Variants in XKR6 observed in about 807,000 individuals in gnomAD.
XKR6 encodes the protein XK-related protein 6.
Under a neutral mutation model 56.7 loss-of-function variants are expected in XKR6, and 22 were observed. The ratio of observed to expected loss-of-function variants is 0.39; its 90% CI spans 0.28 to 0.55. XKR6 has a LOEUF of 0.55. Among genes scored for constraint, XKR6 ranks in the 20% least tolerant of loss-of-function variants. XKR6 has a pLI of 0.66. For synonymous variants in XKR6, 524 were observed against 387.8 expected (o/e 1.35, Z -4.13); for missense variants, 852 against 889.0 (o/e 0.96, Z 0.53).
chr8:10,951,284 A>AGTGTGTGTGTGTGTGT (rs1430390819), intron 1 of XKR6, among the ~76,000 whole-genome samples: 1 of 91,696 alleles, frequency 1.1e-5, no homozygotes, highest in Non-Finnish European at 2.6e-5. Context: ...GGGATAGAAA[A>AGTGTGTGTGTGTGTGT]GTGTGTGTGT....
intron 1 of XKR6, among the ~76,000 whole-genome samples, chr8:11,083,853 T>C (rs1180936874): frequency 6.6e-6 from 1 of 152,170 alleles, no homozygotes; most frequent in Non-Finnish European, 1.5e-5. Flanking sequence ...TATGATTACA[T>C]GTTTTAAATT....
chr8:10,965,884 G>A (rs2129132198), intron 1 of XKR6, among the ~76,000 whole-genome samples: 1 of 152,310 alleles, frequency 6.6e-6, no homozygotes, highest in South Asian at 2.1e-4. Context: ...CACCCAGCAG[G>A]TGTGGGCCAC....
At chr8:11,070,539 G>T (rs1286730645) in intron 1 of XKR6, among the ~76,000 whole-genome samples, 1 of 152,166 alleles carries the variant, frequency 6.6e-6, no homozygotes, top group Admixed American at 6.5e-5. Context: ...GAGTGAGCAG[G>T]CTCTCCCCAA....
At chr8:10,969,663 G>A (rs1411693344) in intron 1 of XKR6, among the ~76,000 whole-genome samples, 2 of 152,204 alleles carry the variant, frequency 1.3e-5, no homozygotes, top group Non-Finnish European at 2.9e-5. Flanking sequence ...GCACAGCCTA[G>A]AGACAAACAC....
intron 1 of XKR6, among the ~76,000 whole-genome samples, chr8:11,183,873 G>A (rs558341381): frequency 5.9e-5 from 9 of 152,226 alleles, no homozygotes; most frequent in African/African-American, 2.2e-4. Context: ...GCAGTACTAT[G>A]AACTTTTGGA....
chr8:10,946,340 G>A (rs999203973), intron 1 of XKR6, among the ~76,000 whole-genome samples: 4 of 152,098 alleles, frequency 2.6e-5, no homozygotes, highest in Admixed American at 6.5e-5. Flanking sequence ...GCTTTGAATC[G>A]TGTAATGGAC....
At chr8:10,974,707 C>T (rs1802502696) in intron 1 of XKR6, among the ~76,000 whole-genome samples, 1 of 152,132 alleles carries the variant, frequency 6.6e-6, no homozygotes, top group African/African-American at 2.4e-5. Flanking sequence ...AAAGTTACCC[C>T]AGTGAGGTTC....
intron 1 of XKR6, among the ~76,000 whole-genome samples, chr8:11,188,402 AT>A (rs1339408669): frequency 6.6e-6 from 1 of 152,174 alleles, no homozygotes; most frequent in Non-Finnish European, 1.5e-5. Context: ...TCATCATGTG[AT>A]TGTCTCTAAC....
At chr8:10,996,897 A>G (rs1798125885) in intron 1 of XKR6, among the ~76,000 whole-genome samples, 1 of 152,072 alleles carries the variant, frequency 6.6e-6, no homozygotes, top group Admixed American at 6.5e-5. Context: ...TGAGCCCAGG[A>G]GTCTAGGGCT....
chr8:11,199,281 G>GC (rs1321375440), intron 1 of XKR6, among the ~76,000 whole-genome samples: 1 of 152,192 alleles, frequency 6.6e-6, no homozygotes, highest in Non-Finnish European at 1.5e-5. Context: ...CAAAGTTATT[G>GC]CATCTACTCT....
intron 2 of XKR6, among the ~76,000 whole-genome samples, chr8:10,903,950 C>T (rs2129107752): frequency 6.6e-6 from 1 of 152,254 alleles, no homozygotes; most frequent in South Asian, 2.1e-4. Context: ...GAATTTCCGT[C>T]TTGTCTGAAG....
intron 1 of XKR6, among the ~76,000 whole-genome samples, chr8:10,955,255 C>T (rs754764808): frequency 6.6e-6 from 1 of 152,162 alleles, no homozygotes; most frequent in Non-Finnish European, 1.5e-5. Context: ...TCACTGCAGT[C>T]TTGACCTCCC....
intron 1 of XKR6, among the ~76,000 whole-genome samples, chr8:11,050,946 T>C (rs1031874342): frequency 1.3e-5 from 2 of 152,190 alleles, no homozygotes; most frequent in African/African-American, 2.4e-5. Context: ...AAACATCCTC[T>C]GACCTCACAT....
intron 1 of XKR6, among the ~76,000 whole-genome samples, chr8:10,985,647 A>C (rs1337661422): frequency 2.0e-5 from 3 of 152,074 alleles, no homozygotes; most frequent in Non-Finnish European, 2.9e-5. Context: ...AAACAACAAA[A>C]ACAAACAAAC....
chr8:11,170,666 C>A lies in XKR6; in HGVS notation c.764+29910G>T, dbSNP rs368377195. ...ACTCTGTGAAGATACAAAAAACAAT[C>A]GCACAATCTAAGTGGGTAAATTTTG... is the stretch of plus-strand genomic sequence containing the variant. On this transcript the variant is annotated intron_variant, in intron 1 of 2. Coordinates refer to ENST00000416569, the MANE Select transcript of XKR6 (RefSeq NM_173683.4). Among the ~76,000 whole-genome samples, 44 of 152,298 alleles carry A rather than the reference C, an allele frequency of 2.9e-4. 1 individual carries two copies. Among genetic ancestry groups the A allele is most frequent in the African/African-American group, 9.9e-4 (41 of 41,562 alleles).
chr8:11,133,605 A>G (rs1800227889), intron 1 of XKR6, among the ~76,000 whole-genome samples: 1 of 152,128 alleles, frequency 6.6e-6, no homozygotes, highest in Non-Finnish European at 1.5e-5. Flanking sequence ...GGACTCAGCA[A>G]AGAATTGTGT....
intron 1 of XKR6, among the ~76,000 whole-genome samples, chr8:11,099,666 A>G (rs550357863): frequency 6.6e-6 from 1 of 152,336 alleles, no homozygotes; most frequent in South Asian, 2.1e-4. Flanking sequence ...CTCAAATATT[A>G]TATAGGTATT....
chr8:10,946,603 C>T (rs1801550547), intron 1 of XKR6, among the ~76,000 whole-genome samples: 1 of 152,088 alleles, frequency 6.6e-6, no homozygotes, highest in African/African-American at 2.4e-5. Flanking sequence ...CCGAAACATG[C>T]CCCTTTATGA....
chr8:11,127,134 ACCAACT>A (rs1799844299), intron 1 of XKR6, among the ~76,000 whole-genome samples: 1 of 152,274 alleles, frequency 6.6e-6, no homozygotes, highest in African/African-American at 2.4e-5. Flanking sequence ...TTCATGAATA[ACCAACT>A]CCCTTCCGGC....
Sources: gnomAD v4.1 joint callset for allele counts (sites outside exome capture counted in the v4.1 genomes callset) on GRCh38, gnomAD v4.1.1 for gene constraint, MANE v1.5 for transcripts, NCBI Gene and HGNC (gene_info 2026-07-23, HGNC 2026-07-21) for gene names.